The following MYO9A variants were observed in gnomAD, a reference collection of about 807,000 sequenced individuals.
The protein encoded by MYO9A is unconventional myosin-IXa.
In MYO9A, 103 loss-of-function variants were observed where a neutral mutation model predicts 293.3. The ratio of observed to expected loss-of-function variants is 0.35; its 90% CI spans 0.30 to 0.41. The LOEUF (loss-of-function observed/expected upper bound fraction) is 0.41, where lower values mean the gene tolerates loss of function less well. Among genes scored for constraint, MYO9A ranks in the 10% least tolerant of loss-of-function variants. The pLI, the probability that MYO9A is intolerant of heterozygous loss-of-function variation, is 1.00. For missense variants in MYO9A, 2,685 were observed against 3,033.0 expected, an observed-to-expected ratio of 0.89 and a Z score of 2.69; for synonymous variants, 1,001 against 1,035.7, an observed-to-expected ratio of 0.97 and a Z score of 0.64.
At position 71,901,344 on chromosome 15, in the gene MYO9A, C is replaced by G; in HGVS notation, c.3001-4G>C. The G allele has an allele frequency of 6.2e-7, 1 of 1,604,614 alleles. No homozygotes were observed. Among genetic ancestry groups the G allele is most frequent in the East Asian group, 2.2e-5 (1 of 44,572 alleles). Reference sequence around the variant, plus strand: ...GTTCCTGCTCCTTTAGAAAGACCTACCAAAAGGAAGAAAGATGAGGAATGC... The same window carrying G: ...GTTCCTGCTCCTTTAGAAAGACCTAGCAAAAGGAAGAAAGATGAGGAATGC... On this transcript the variant is annotated splice_polypyrimidine_tract_variant and splice_region_variant and intron_variant, in intron 22 of 41. Transcript: ENST00000356056.
chr15:71,903,126 C>A, intron 21 of MYO9A, 63 bp from the exon 22 acceptor site: 1 of 1,311,250 alleles, frequency 7.6e-7, no homozygotes, highest in Non-Finnish European at 1.1e-6. Flanking sequence ...AGACCTTAAA[C>A]TAATTATCAT....
rs1596480121 is a variant in MYO9A, at chr15:72,056,617, C to T, written c.-71-9983G>A. ...AAGGTGGGAGGTGGGTGAGGGATAA[C>T]AAATTGGGTATAGTGTATACTGCTC... On this transcript the variant is annotated intron_variant, in intron 1 of 41. Transcript: ENST00000356056. 1.3e-5 allele frequency among the ~76,000 whole-genome samples: 2 copies of T among 152,290 alleles called. 1 individual carries two copies.
intron 9 of MYO9A, among the ~76,000 whole-genome samples, chr15:71,999,454 G>T (rs1237818422): frequency 1.3e-5 from 2 of 151,866 alleles, no homozygotes; most frequent in Admixed American, 1.3e-4. Flanking sequence ...CAAGCAGAAA[G>T]AACTGCAAAC....
intron 19 of MYO9A, among the ~76,000 whole-genome samples, chr15:71,908,983 A>T (rs1279124902): frequency 6.6e-6 from 1 of 152,076 alleles, no homozygotes; most frequent in Non-Finnish European, 1.5e-5. Context: ...TTTTTCCAGA[A>T]TGTCATATAT....
chr15:72,069,601 C>T (rs12593857), intron 1 of MYO9A, among the ~76,000 whole-genome samples: 4,097 of 152,088 alleles, frequency 0.027, 159 homozygotes, highest in East Asian at 0.18. Context: ...AACCACTTAT[C>T]AGGTTATGGA....
At chr15:72,058,195 T>C (rs541234561) in intron 1 of MYO9A, among the ~76,000 whole-genome samples, 6 of 152,336 alleles carry the variant, frequency 3.9e-5, no homozygotes, top group Admixed American at 3.3e-4. Context: ...TAGTGGGAGA[T>C]AGCTGTAAAG....
chr15:72,075,218 G>A (rs1457605423), intron 1 of MYO9A, among the ~76,000 whole-genome samples: 1 of 151,550 alleles, frequency 6.6e-6, no homozygotes, highest in Non-Finnish European at 1.5e-5. Flanking sequence ...CACCCGCCTC[G>A]GCTTCCCAAA....
chr15:72,014,733 G>A (rs559742929), intron 6 of MYO9A, among the ~76,000 whole-genome samples: 3 of 147,744 alleles, frequency 2.0e-5, no homozygotes, highest in East Asian at 3.9e-4. Context: ...AGAGAAGAGA[G>A]AGAGAGAGAA....
intron 14 of MYO9A, chr15:71,959,224 T>C (rs2059269840): frequency 6.6e-6 from 1 of 152,228 alleles, no homozygotes; most frequent in African/African-American, 2.4e-5. Context: ...CTAGGTTCAA[T>C]TATTTTACAT....
At chr15:71,899,584 A>C (rs999373193) in intron 24 of MYO9A, 103 bp downstream of exon 24, 6 of 1,034,878 alleles carry the variant, frequency 5.8e-6, no homozygotes, top group Non-Finnish European at 8.4e-6. Flanking sequence ...GACAAATTGT[A>C]TACAACCAAT....
chr15:72,067,005 C>T (rs1376264645), intron 1 of MYO9A, among the ~76,000 whole-genome samples: 1 of 149,264 alleles, frequency 6.7e-6, no homozygotes, highest in South Asian at 2.1e-4. Context: ...ATACTGCAAT[C>T]ATTACATTAT....
In MYO9A at chr15:72,019,895, G is replaced by A. The variant is rs936540188; in HGVS notation, c.1099-800C>T. ...CTCCCAAGCAGCTGAGATTACAGGCGTGCCTCACCACACCTAGCTAATTTT... is the reference window on the plus strand; with the variant it reads ...CTCCCAAGCAGCTGAGATTACAGGCATGCCTCACCACACCTAGCTAATTTT... On this transcript the variant is annotated intron_variant, in intron 5 of 41. Coordinates refer to ENST00000356056, the MANE Select transcript of MYO9A (RefSeq NM_006901.4). 4.6e-5 allele frequency among the ~76,000 whole-genome samples: 7 copies of A among 152,170 alleles called. No individual in the cohort carries two copies. The South Asian group carries it at 6.2e-4, about 14-fold the overall frequency.
At chr15:72,019,132 G>C in intron 5 of MYO9A, 37 bp from the exon 6 acceptor site, 1 of 1,507,406 alleles carries the variant, frequency 6.6e-7, no homozygotes, top group South Asian at 1.1e-5. Flanking sequence ...AGAAGTAATG[G>C]TTATTATACT....
Position 72,019,031 on chromosome 15 carries a change from G to C in MYO9A, c.1155+8C>G, listed in dbSNP as rs2077422508. On this transcript the variant is annotated splice_region_variant and intron_variant, in intron 6 of 41. Coordinates refer to ENST00000356056, the MANE Select transcript of MYO9A (RefSeq NM_006901.4). ...AGAAACACAGAATATTTAGGTACTT[G>C]TACTGACCGGCTCAGAGTCATAGCA... 1 of 1,612,370 alleles carries C rather than the reference G, an allele frequency of 6.2e-7. No individual in the cohort carries two copies. Among genetic ancestry groups the C allele is most frequent in the Non-Finnish European group, 8.5e-7 (1 of 1,178,532 alleles).
At chr15:71,869,072 A>T (rs76703235) in intron 32 of MYO9A, among the ~76,000 whole-genome samples, 2 of 67,672 alleles carry the variant, frequency 3.0e-5, no homozygotes, top group African/African-American at 1.7e-4. Flanking sequence ...TGGAATTTTT[A>T]AAAAATCACT....
intron 14 of MYO9A, chr15:71,953,568 T>C (rs960190726): frequency 3.9e-5 from 6 of 152,184 alleles, no homozygotes; most frequent in African/African-American, 1.2e-4. Flanking sequence ...CCAAACTATT[T>C]TCTATTTCAT....
chr15:72,104,481 C>G (rs913304103), intron 1 of MYO9A, among the ~76,000 whole-genome samples: 1 of 152,158 alleles, frequency 6.6e-6, no homozygotes, highest in African/African-American at 2.4e-5. Context: ...ACCTAGTGTG[C>G]ATTTTTTAAA....
At chr15:71,992,613 A>C (rs1423005330) in intron 10 of MYO9A, among the ~76,000 whole-genome samples, 1 of 152,166 alleles carries the variant, frequency 6.6e-6, no homozygotes, top group Non-Finnish European at 1.5e-5. Flanking sequence ...AGCATGAAAA[A>C]TTAACATAAG....
At chr15:71,915,131 T>C (rs1021253257) in intron 19 of MYO9A, among the ~76,000 whole-genome samples, 2 of 152,166 alleles carry the variant, frequency 1.3e-5, no homozygotes, top group African/African-American at 4.8e-5. Flanking sequence ...ATGTTGTATA[T>C]TAATAAACTT....
Sources: allele counts gnomAD v4.1 joint callset (sites outside exome capture counted in the v4.1 genomes callset), GRCh38; gene constraint gnomAD v4.1.1; transcripts MANE v1.5; gene names NCBI Gene and HGNC (gene_info 2026-07-23, HGNC 2026-07-21).